ZDHHC23: variants seen among roughly 807,000 people sequenced by gnomAD.
The protein encoded by ZDHHC23 is zDHHC palmitoyltransferase 23.
ZDHHC23 carries 41 observed loss-of-function variants against 40.2 expected under a neutral mutation model. The observed-to-expected ratio is 1.02, with a 90% CI of 0.79 to 1.32. ZDHHC23 has a LOEUF of 1.32. Ranked by LOEUF, ZDHHC23 falls within the 40% of genes most tolerant of loss-of-function variation. The probability of loss-of-function intolerance (pLI) is 0.00; values close to 1 mark genes in which losing one functional copy is unlikely to be tolerated. For synonymous variants in ZDHHC23, 204 were observed against 210.2 expected (o/e 0.97, Z 0.26); for missense variants, 471 against 541.5 (o/e 0.87, Z 1.29).
chr3:113,954,532 T>C (rs1395491464), intron 3 of ZDHHC23, 122 bp downstream of exon 3: 1 of 951,276 alleles, frequency 1.1e-6, no homozygotes, highest in Non-Finnish European at 1.5e-6. Context: ...CTTGTAGATA[T>C]TTGTGGGTTG....
chr3:113,979,076 C>T, the ZDHHC23 span: 28 of 1,452,712 alleles, frequency 1.9e-5, 2 homozygotes, highest in South Asian at 3.1e-4. Context: ...AAACACATCA[C>T]CTTTGGAAAT....
chr3:113,965,244 G>C, downstream of ZDHHC23: 9 of 1,611,974 alleles, frequency 5.6e-6, no homozygotes, highest in Non-Finnish European at 7.6e-6. Flanking sequence ...TGGAAGTCTG[G>C]AAGAATTTCA....
chr3:113,958,239 G>T, intron 4 of ZDHHC23, 124 bp from the exon 5 acceptor site: 1 of 801,538 alleles, frequency 1.2e-6, no homozygotes, highest in Admixed American at 2.4e-5. Flanking sequence ...TTCCAGTTCG[G>T]AGGGTTGGGG....
rs746751462 is a variant in ZDHHC23 at position 113,953,909 on chromosome 3, C to T, written c.371C>T (p.Ala124Val). 4 of 1,614,148 alleles carry T rather than the reference C, an allele frequency of 2.5e-6. No homozygotes were observed. The highest frequency in any genetic ancestry group is 2.5e-6 in the Non-Finnish European group (3 of 1,180,028). The change falls in exon 3 of 5, where the codon GCA becomes GTA. Residue 124 changes from alanine (A) to valine (V), a missense_variant. Around this residue, in one of 3 missense-constraint regions of ZDHHC23, gnomAD observed 346 missense variants for 399.8 expected, o/e 0.87. Coordinates refer to ENST00000638807, the MANE Select transcript of ZDHHC23 (RefSeq NM_001320466.2). ...VVVLTSLPVLALWYYYLTHRR... is the reference protein window; with the variant it reads ...VVVLTSLPVLVLWYYYLTHRR... ...GTTTTGACCTCCCTTCCTGTGCTGG[C>T]ACTGTGGTACTACTACCTCACTCAC...
At chr3:113,978,410 G>T in the ZDHHC23 span, 2 of 1,419,852 alleles carry the variant, frequency 1.4e-6, no homozygotes, top group Admixed American at 3.8e-5. Context: ...CAGCACAAAA[G>T]ACAGAAATGA....
intron 4 of ZDHHC23, 126 bp from the exon 5 acceptor site, chr3:113,958,237 C>A: frequency 3.8e-6 from 3 of 783,728 alleles, no homozygotes; most frequent in South Asian, 1.8e-5. Context: ...TCTTCCAGTT[C>A]GGAGGGTTGG....
chr3:113,956,910 G>A (rs1355164441), intron 4 of ZDHHC23, among the ~76,000 whole-genome samples: 1 of 152,212 alleles, frequency 6.6e-6, no homozygotes, highest in Non-Finnish European at 1.5e-5. Context: ...GCTTTCTGAT[G>A]TTTTTTAGTC....
chr3:113,949,982 T>C (rs895225458), intron 2 of ZDHHC23, among the ~76,000 whole-genome samples: 5 of 152,226 alleles, frequency 3.3e-5, no homozygotes, highest in African/African-American at 1.2e-4. Flanking sequence ...TTTGCACTAA[T>C]GAATGGAGAA....
chr3:113,959,314 A>G lies in ZDHHC23; in HGVS notation c.*684A>G. ...GACATGAACTACTCAAACAGAGAAG[A>G]TGACCAGATGGATTGATGCTAAGTT... On this transcript the variant is annotated 3_prime_UTR_variant, in exon 5 of 5. Transcript: ENST00000638807. 9.1e-7 allele frequency: 1 copy of G among 1,098,146 alleles called. No individual in the cohort carries two copies. Among genetic ancestry groups the G allele is most frequent in the Non-Finnish European group, 1.1e-6 (1 of 886,192 alleles). 68.0% of individuals were successfully genotyped at this position (1,098,146 alleles called of 1,614,324 possible).
the ZDHHC23 span, chr3:113,978,075 C>T: frequency 8.1e-7 from 1 of 1,236,054 alleles, no homozygotes; most frequent in Non-Finnish European, 1.1e-6. Context: ...CTGGTGTTTC[C>T]CCGCTCTCCT....
the ZDHHC23 span, chr3:113,978,310 CT>C: frequency 6.2e-7 from 1 of 1,613,812 alleles, no homozygotes; most frequent in Non-Finnish European, 8.5e-7. Flanking sequence ...TTTCTTACTT[CT>C]TCCTGCAGAT....
chr3:113,949,685 G>A (rs1295282570), intron 2 of ZDHHC23, among the ~76,000 whole-genome samples: 1 of 152,202 alleles, frequency 6.6e-6, no homozygotes, highest in Non-Finnish European at 1.5e-5. Flanking sequence ...AAGTCATAAT[G>A]TGGGAAGGAT....
chr3:113,967,536 TGGG>T (rs1181742001), downstream of ZDHHC23, among the ~76,000 whole-genome samples: 1 of 152,200 alleles, frequency 6.6e-6, no homozygotes, highest in Non-Finnish European at 1.5e-5. Flanking sequence ...ATACATATTT[TGGG>T]GGTACATGTA....
chr3:113,954,320 G>A lies in ZDHHC23; in HGVS notation c.782G>A (p.Cys261Tyr). ...GSPTKAKEDW[C>Y]AKCQLVRPAR... ...CCCACCAAAGCGAAGGAGGACTGGT[G>A]TGCCAAGTGCCAGCTGGTGCGACCA... is the stretch of plus-strand genomic sequence containing the variant. The change falls in exon 3 of 5, where the codon TGT becomes TAT. Residue 261 changes from cysteine (C) to tyrosine (Y), a missense_variant. By Grantham distance (194) the Cys-to-Tyr change is radical. Transcript: ENST00000638807. 6.2e-7 allele frequency: 1 copy of A among 1,614,158 alleles called. No homozygotes were observed. Among genetic ancestry groups the A allele is most frequent in the Non-Finnish European group, 8.5e-7 (1 of 1,180,000 alleles).
chr3:113,979,014 G>T, the ZDHHC23 span: 6 of 1,611,960 alleles, frequency 3.7e-6, no homozygotes, highest in Non-Finnish European at 5.1e-6. Context: ...CTGCCACCTG[G>T]ACAATTTTTT....
At chr3:113,968,102 C>G (rs569106811), downstream of ZDHHC23, among the ~76,000 whole-genome samples, 2 of 152,254 alleles carry the variant, frequency 1.3e-5, no homozygotes, top group East Asian at 3.9e-4. Context: ...CACGGACATG[C>G]AAATATCTCT....
rs996070028 is a variant in ZDHHC23 at position 113,961,142 on chromosome 3, G to A, written c.*2512G>A. 2 of 173,280 alleles carry A rather than the reference G, an allele frequency of 1.2e-5. No homozygotes were observed. Among genetic ancestry groups the A allele is most frequent in the Non-Finnish European group, 1.2e-5 (1 of 82,522 alleles). The allele number at this position is 173,280 out of a possible 1,614,324, so 10.7% of individuals were successfully genotyped here. A position where few individuals can be genotyped will look rare whatever the true frequency, so the allele number is the denominator to read the frequency against. ...GGAAGCATTTGGTGGTGGCGGCAGT[G>A]GAGGATTGCCCGGTGAACCTATAAA... On this transcript the variant is annotated 3_prime_UTR_variant, in exon 5 of 5. Transcript: ENST00000638807.
chr3:113,969,077 T>TGG (rs1940526711), downstream of ZDHHC23, among the ~76,000 whole-genome samples: 2 of 152,188 alleles, frequency 1.3e-5, no homozygotes, highest in African/African-American at 4.8e-5. Context: ...TGCCAGGTTC[T>TGG]TTTTAACAAC....
At chr3:113,968,406 A>G (rs891752370), downstream of ZDHHC23, among the ~76,000 whole-genome samples, 8 of 151,588 alleles carry the variant, frequency 5.3e-5, no homozygotes, top group Admixed American at 2.0e-4. Flanking sequence ...TTTATCATAC[A>G]CTTTTTGGCC....
Sources: allele counts gnomAD v4.1 joint callset (sites outside exome capture counted in the v4.1 genomes callset), GRCh38; gene constraint gnomAD v4.1.1; regional missense constraint gnomAD v4.1.1; transcripts MANE v1.5; gene names NCBI Gene and HGNC (gene_info 2026-07-23, HGNC 2026-07-21).